The following SUGCT variants were observed in gnomAD, a reference collection of about 807,000 sequenced individuals.
SUGCT encodes succinyl-CoA:glutarate-CoA transferase.
A neutral mutation model predicts 55.0 loss-of-function variants in SUGCT; 41 were observed. The observed-to-expected ratio is 0.74, with a 90% CI of 0.58 to 0.97. The LOEUF (loss-of-function observed/expected upper bound fraction) is 0.97. SUGCT is among the 50% of genes least tolerant of loss of function. The pLI is 0.00. For missense variants in SUGCT, 568 were observed against 547.8 expected (o/e 1.04, Z -0.37); for synonymous variants, 187 against 200.4 (o/e 0.93, Z 0.56).
At chr7:40,923,551 T>TC in the SUGCT span, among the ~76,000 whole-genome samples, 3 of 152,188 alleles carry the variant, frequency 2.0e-5, no homozygotes, top group African/African-American at 7.2e-5. Context: ...AAAATAATTT[T>TC]CAGAATTTCT....
chr7:40,854,419 C>CCTTTCTTTCTTTCTTTCTTTCTTTCTTT (rs70990650), intron 13 of SUGCT, among the ~76,000 whole-genome samples: 27 of 88,840 alleles, frequency 3.0e-4, no homozygotes, highest in South Asian at 4.2e-4. Flanking sequence ...TTCTTTCTTT[C>CCTTTCTTTCTTTCTTTCTTTCTTTCTTT]CTTTCTTTCT....
chr7:40,743,920 T>C (rs1787598624), intron 12 of SUGCT, among the ~76,000 whole-genome samples: 1 of 152,072 alleles, frequency 6.6e-6, no homozygotes, highest in Non-Finnish European at 1.5e-5. Flanking sequence ...ATTTTTAAAA[T>C]TTTTTGAATA....
chr7:40,172,677 A>G (rs967162818), intron 1 of SUGCT, among the ~76,000 whole-genome samples: 2 of 152,146 alleles, frequency 1.3e-5, no homozygotes, highest in African/African-American at 4.8e-5. Context: ...CTGCACCATG[A>G]TCTCGACCGG....
chr7:40,814,634 C>G (rs892552620), intron 13 of SUGCT, among the ~76,000 whole-genome samples: 1 of 151,354 alleles, frequency 6.6e-6, no homozygotes, highest in Admixed American at 6.6e-5. Flanking sequence ...GATGTTCAAC[C>G]TTGTCTTGGA....
chr7:40,302,351 T>C (rs4723947), intron 8 of SUGCT, among the ~76,000 whole-genome samples: 151,171 of 152,288 alleles, frequency 0.99, 75,031 homozygotes, highest in East Asian at 1. Flanking sequence ...CCAGTCTAGT[T>C]ATCCACTTCA....
At chr7:40,406,878 TC>T (rs1786398589) in intron 9 of SUGCT, among the ~76,000 whole-genome samples, 1 of 152,206 alleles carries the variant, frequency 6.6e-6, no homozygotes, top group Non-Finnish European at 1.5e-5. Context: ...TTTACAATGA[TC>T]ATTTGGCATG....
chr7:40,330,756 A>T (rs1241709753), intron 9 of SUGCT, among the ~76,000 whole-genome samples: 1 of 152,104 alleles, frequency 6.6e-6, no homozygotes, highest in Admixed American at 6.6e-5. Flanking sequence ...AGCCAAGAAA[A>T]TGGTTTTATT....
intron 9 of SUGCT, among the ~76,000 whole-genome samples, chr7:40,407,041 CA>C (rs1339035931): frequency 1.3e-5 from 2 of 152,034 alleles, no homozygotes; most frequent in Non-Finnish European, 2.9e-5. Context: ...AACTTAAATA[CA>C]TTTTTTTGTC....
chr7:40,948,862 C>A, the SUGCT span, among the ~76,000 whole-genome samples: 16 of 152,236 alleles, frequency 1.1e-4, no homozygotes, highest in South Asian at 8.3e-4. Context: ...CATTGATGGA[C>A]ATTTCAGTTG....
chr7:40,428,982 C>T (rs918778535), intron 9 of SUGCT, among the ~76,000 whole-genome samples: 1 of 152,088 alleles, frequency 6.6e-6, no homozygotes, highest in African/African-American at 2.4e-5. Flanking sequence ...CTTATTTCTC[C>T]TCCTTTTTTT....
At chr7:40,208,619 A>T (rs1787143752) in intron 6 of SUGCT, among the ~76,000 whole-genome samples, 1 of 150,962 alleles carries the variant, frequency 6.6e-6, no homozygotes, top group Admixed American at 6.6e-5. Flanking sequence ...ATCTCGGCTC[A>T]CTGCAACCTC....
At chr7:40,829,557 A>T (rs1013576) in intron 13 of SUGCT, among the ~76,000 whole-genome samples, 2,283 of 152,306 alleles carry the variant, frequency 0.015, 145 homozygotes, top group East Asian at 0.098. Context: ...ATATTTCATA[A>T]TTATTTTAAT....
chr7:40,861,712 C>T (rs1025194336), downstream of SUGCT, among the ~76,000 whole-genome samples: 1 of 152,124 alleles, frequency 6.6e-6, no homozygotes, highest in Non-Finnish European at 1.5e-5. Context: ...TGAAGAATTC[C>T]AAACAAATAG....
intron 12 of SUGCT, among the ~76,000 whole-genome samples, chr7:40,522,806 A>G (rs1793609011): frequency 1.3e-5 from 2 of 152,094 alleles, no homozygotes; most frequent in South Asian, 4.1e-4. Flanking sequence ...CCATGTGCAT[A>G]TTGACAAGTC....
chr7:40,576,497 G>A (rs890682267), intron 12 of SUGCT, among the ~76,000 whole-genome samples: 1 of 152,220 alleles, frequency 6.6e-6, no homozygotes, highest in African/African-American at 2.4e-5. Flanking sequence ...GTGAGTCAGG[G>A]AAATCGAGGG....
At chr7:40,153,194 C>T in intron 1 of SUGCT, 2 of 336,478 alleles carry the variant, frequency 5.9e-6, no homozygotes. Context: ...GAAACTCCAG[C>T]CATCAAAGGA....
At chr7:41,034,890 A>G in the SUGCT span, among the ~76,000 whole-genome samples, 1 of 152,096 alleles carries the variant, frequency 6.6e-6, no homozygotes, top group Non-Finnish European at 1.5e-5. Context: ...CAGCCTCAGA[A>G]ATGGAGTTGA....
At chr7:40,835,798 C>G (rs1424649699) in intron 13 of SUGCT, among the ~76,000 whole-genome samples, 1 of 152,080 alleles carries the variant, frequency 6.6e-6, no homozygotes. Flanking sequence ...CTTTTCTATC[C>G]CCCAATTGCC....
chr7:40,804,982 T>TC (rs1791016118), intron 13 of SUGCT, among the ~76,000 whole-genome samples: 1 of 152,162 alleles, frequency 6.6e-6, no homozygotes, highest in African/African-American at 2.4e-5. Flanking sequence ...TCCTGCGTTT[T>TC]CCCTTGTTTA....
Sources: gnomAD v4.1 joint callset for allele counts (sites outside exome capture counted in the v4.1 genomes callset) on GRCh38, gnomAD v4.1.1 for gene constraint, MANE v1.5 for transcripts, NCBI Gene and HGNC (gene_info 2026-07-23, HGNC 2026-07-21) for gene names.